Variants in HELQ observed in about 807,000 individuals in gnomAD.
HELQ encodes the protein helicase, POLQ like.
In HELQ, 77 loss-of-function variants were observed where a neutral mutation model predicts 111.6. That is an observed-to-expected ratio of 0.69 (90% CI 0.57 to 0.83). The LOEUF is 0.83. Among genes scored for constraint, HELQ ranks in the 40% least tolerant of loss-of-function variants. HELQ has a pLI of 0.00. For synonymous variants in HELQ, 438 were observed against 454.7 expected (o/e 0.96, Z 0.47); for missense variants, 1,200 against 1,288.5 (o/e 0.93, Z 1.05).
At chr4:83,442,260 A>ATTTT (rs70949710) in intron 6 of HELQ, among the ~76,000 whole-genome samples, 1,230 of 81,950 alleles carry the variant, frequency 0.015, 65 homozygotes, top group African/African-American at 0.032. Flanking sequence ...AAAAACATCA[A>ATTTT]TTTTTTTTTT....
rs1721019148 is a variant in HELQ, at chr4:83,445,878, T to C, written c.1465+136A>G. 5.1e-6 allele frequency: 3 copies of C among 590,230 alleles called. No homozygotes were observed. In the East Asian group the frequency reaches 8.7e-5, roughly 17 times the overall value. The allele number at this position is 590,230 out of a possible 1,614,324, so 36.6% of individuals were successfully genotyped here. On this transcript the variant is annotated intron_variant, in intron 5 of 17. Coordinates refer to ENST00000295488, the MANE Select transcript of HELQ (RefSeq NM_133636.5). ...CATTTACCTTCAAAATTCTATTCATTAGAAATTTTAAAACAAAGGCAAAAA... is the reference window on the plus strand; with the variant it reads ...CATTTACCTTCAAAATTCTATTCATCAGAAATTTTAAAACAAAGGCAAAAA...
intron 9 of HELQ, among the ~76,000 whole-genome samples, chr4:83,434,413 G>C (rs558279325): frequency 1.3e-5 from 2 of 152,136 alleles, no homozygotes; most frequent in South Asian, 4.1e-4. Context: ...ACTGAATAAT[G>C]AATGAAAATA....
intron 17 of HELQ, among the ~76,000 whole-genome samples, chr4:83,411,297 C>CT (rs879362999): frequency 3.6e-4 from 52 of 144,588 alleles, no homozygotes; most frequent in African/African-American, 8.3e-4. Flanking sequence ...TGCCTTTGAA[C>CT]TTTTTTTTTT....
At chr4:83,422,476 T>C (rs144469124) in intron 14 of HELQ, among the ~76,000 whole-genome samples, 17 of 152,264 alleles carry the variant, frequency 1.1e-4, no homozygotes, top group Non-Finnish European at 2.1e-4. Flanking sequence ...ATGATTAGTG[T>C]CCTTATAAGA....
intron 15 of HELQ, among the ~76,000 whole-genome samples, chr4:83,419,161 ATTTT>A (rs34131623): frequency 1.5e-5 from 2 of 135,806 alleles, no homozygotes; most frequent in African/African-American, 5.4e-5. Context: ...ACACCATGAG[ATTTT>A]TTTTTTTTTT....
At chr4:83,422,154 A>G (rs950405593) in intron 14 of HELQ, among the ~76,000 whole-genome samples, 1 of 152,134 alleles carries the variant, frequency 6.6e-6, no homozygotes, top group Non-Finnish European at 1.5e-5. Context: ...CAGGAGACAG[A>G]GGTTGCAGGG....
chr4:83,429,392 G>T (rs1300335043), intron 12 of HELQ, 132 bp downstream of exon 12: 2 of 649,686 alleles, frequency 3.1e-6, no homozygotes, highest in Non-Finnish European at 5.3e-6. Context: ...CAAGTGATCC[G>T]CTCCCCTTGG....
intron 11 of HELQ, 83 bp from the exon 12 acceptor site, chr4:83,429,829 T>G: frequency 1.3e-6 from 1 of 764,202 alleles, no homozygotes; most frequent in South Asian, 1.8e-5. Context: ...GATAACTCAT[T>G]TCCATACCTC....
At chr4:83,423,718 C>T (rs538128285) in intron 14 of HELQ, among the ~76,000 whole-genome samples, 1 of 152,216 alleles carries the variant, frequency 6.6e-6, no homozygotes, top group Admixed American at 6.5e-5. Flanking sequence ...TAAGATCAGC[C>T]TGGCCAACAT....
At chr4:83,455,171 C>T in intron 1 of HELQ, 2 of 789,234 alleles carry the variant, frequency 2.5e-6, no homozygotes, top group Non-Finnish European at 3.8e-6. Context: ...AGATTTGTGT[C>T]TCAGTCATGC....
intron 12 of HELQ, among the ~76,000 whole-genome samples, chr4:83,429,153 T>G (rs1037463251): frequency 1.3e-5 from 2 of 152,120 alleles, no homozygotes; most frequent in East Asian, 3.8e-4. Flanking sequence ...ATTTTTTATT[T>G]TTTTATTTTT....
At chr4:83,428,461 T>C (rs1413697108) in intron 12 of HELQ, among the ~76,000 whole-genome samples, 3 of 152,120 alleles carry the variant, frequency 2.0e-5, no homozygotes, top group Admixed American at 1.3e-4. Context: ...CTTGCGGGGC[T>C]GAGGTGGGAG....
chr4:83,428,818 G>A (rs886216805), intron 12 of HELQ, among the ~76,000 whole-genome samples: 1 of 151,282 alleles, frequency 6.6e-6, no homozygotes, highest in Admixed American at 6.6e-5. Flanking sequence ...TTTATAAAAA[G>A]TTTCAGAATA....
At chr4:83,438,476 C>T (rs1720579721) in intron 8 of HELQ, among the ~76,000 whole-genome samples, 1 of 152,176 alleles carries the variant, frequency 6.6e-6, no homozygotes, top group Non-Finnish European at 1.5e-5. Context: ...CGCAGTGGCT[C>T]ACGCCTGTAA....
intron 6 of HELQ, 71 bp downstream of exon 6, chr4:83,443,446 G>T: frequency 1.4e-6 from 1 of 696,268 alleles, no homozygotes; most frequent in Non-Finnish European, 2.4e-6. Flanking sequence ...TAAATCCTAT[G>T]TTTACTACTT....
chr4:83,427,004 G>A (rs186640366), intron 13 of HELQ, among the ~76,000 whole-genome samples: 98 of 152,224 alleles, frequency 6.4e-4, no homozygotes, highest in African/African-American at 2.3e-3. Flanking sequence ...AGTTATTAAC[G>A]TCATTGGGTT....
chr4:83,448,934 T>C lies in HELQ; in HGVS notation c.1040A>G (p.Asn347Ser). ...TAAATTTTTTCTTTCTTGCACAGAA[T>C]TCAATGTTAAACAAGTATGTTGCCA... Reference protein sequence around the residue: ...YEWQHTCLTLNSVQERKNLIY... With the variant: ...YEWQHTCLTLSSVQERKNLIY... The change falls in exon 3 of 18, where the codon AAT (asparagine) becomes AGT (serine). Residue 347 changes from asparagine to serine, a missense_variant. Around this residue, in one of 3 missense-constraint regions of HELQ, gnomAD observed 610 missense variants for 607.1 expected, o/e 1.00. Coordinates refer to ENST00000295488, the MANE Select transcript of HELQ (RefSeq NM_133636.5). 1.9e-6 allele frequency: 3 copies of C among 1,607,930 alleles called. No homozygotes were observed. Among genetic ancestry groups the C allele is most frequent in the Non-Finnish European group, 2.6e-6 (3 of 1,176,276 alleles).
In HELQ at chr4:83,427,720, C is replaced by A. The variant is rs765466103; in HGVS notation, c.2519G>T (p.Gly840Val). Residue 840 changes from glycine (G) to valine (V), a missense_variant and splice_region_variant, in exon 13 of 18, where the codon GGA (glycine) becomes GTA (valine). Gly to Val is a moderately radical substitution (Grantham distance 109). This residue lies in a region of HELQ where 585 missense variants were observed against 665.3 expected (regional missense o/e 0.88). Transcript: ENST00000295488. The part of the protein sequence containing the change: ...ITKLGRASFK[G>V]TIDLAYCDIL... ...GTCACAATAAGCTAAATCTATAGTT[C>A]CTAAAAGAAAGATACAAATATTCAA... 6.6e-7 allele frequency: 1 copy of A among 1,516,820 alleles called. No individual in the cohort carries two copies. Among genetic ancestry groups the A allele is most frequent in the Non-Finnish European group, 8.8e-7 (1 of 1,131,338 alleles). The allele number at this position is 1,516,820 out of a possible 1,614,324, so 94.0% of individuals were successfully genotyped here.
intron 2 of HELQ, among the ~76,000 whole-genome samples, chr4:83,452,028 T>C (rs1008364446): frequency 6.6e-6 from 1 of 152,216 alleles, no homozygotes. Flanking sequence ...CCCTCCAGTA[T>C]GGCAGCAACT....
Sources: allele counts gnomAD v4.1 joint callset (sites outside exome capture counted in the v4.1 genomes callset), GRCh38; gene constraint gnomAD v4.1.1; regional missense constraint gnomAD v4.1.1; transcripts MANE v1.5; gene names NCBI Gene and HGNC (gene_info 2026-07-23, HGNC 2026-07-21).